Variants in ZNF518A observed in about 807,000 individuals in gnomAD.
ZNF518A encodes zinc finger protein 518.
ZNF518A carries 47 observed loss-of-function variants against 102.7 expected under a neutral mutation model. The ratio of observed to expected loss-of-function variants is 0.46; its 90% CI spans 0.36 to 0.58. The LOEUF (loss-of-function observed/expected upper bound fraction) is 0.58. Ranked by LOEUF, ZNF518A falls within the 20% of genes least tolerant of loss-of-function variation. ZNF518A has a pLI of 0.00. For synonymous variants in ZNF518A, 652 were observed against 594.6 expected (o/e 1.10, Z -1.40); for missense variants, 1,793 against 1,699.8 (o/e 1.05, Z -0.96).
intron 1 of ZNF518A, among the ~76,000 whole-genome samples, chr10:96,182,535 G>A (rs1167763231): frequency 1.3e-5 from 2 of 152,144 alleles, no homozygotes; most frequent in South Asian, 2.1e-4. Flanking sequence ...AGAGTTTTTA[G>A]CATGAAGGCT....
intron 3 of ZNF518A, among the ~76,000 whole-genome samples, chr10:96,150,650 T>C (rs2082394336): frequency 6.6e-6 from 1 of 151,022 alleles, no homozygotes; most frequent in African/African-American, 2.4e-5. Context: ...GCTCTTTTTT[T>C]CAATATGCTA....
At chr10:96,141,313 A>G (rs1446383000) in intron 3 of ZNF518A, among the ~76,000 whole-genome samples, 9 of 152,148 alleles carry the variant, frequency 5.9e-5, no homozygotes, top group Non-Finnish European at 8.8e-5. Context: ...ACTCAGAGAA[A>G]GGAGAGATTT....
chr10:96,144,718 T>C (rs1254075982), intron 3 of ZNF518A, among the ~76,000 whole-genome samples: 2 of 152,306 alleles, frequency 1.3e-5, no homozygotes, highest in South Asian at 4.1e-4. Context: ...AGTAGTTTGG[T>C]TAGTGAACTA....
chr10:96,191,337 T>C (rs1309999209), intron 1 of ZNF518A, among the ~76,000 whole-genome samples: 2 of 151,808 alleles, frequency 1.3e-5, no homozygotes, highest in Non-Finnish European at 2.9e-5. Flanking sequence ...GTTTAGGTTC[T>C]ATTTGATAGA....
intron 1 of ZNF518A, among the ~76,000 whole-genome samples, chr10:96,172,936 A>G (rs2083181970): frequency 1.3e-5 from 2 of 152,154 alleles, no homozygotes; most frequent in Non-Finnish European, 2.9e-5. Flanking sequence ...TGCGTTCTAC[A>G]TCTGCAGATT....
intron 3 of ZNF518A, among the ~76,000 whole-genome samples, chr10:96,146,064 G>A (rs2082157823): frequency 6.6e-6 from 1 of 151,834 alleles, no homozygotes; most frequent in Non-Finnish European, 1.5e-5. Flanking sequence ...CCATCTATCA[G>A]TATTTGAACA....
rs782316301 is a variant in ZNF518A, at chr10:96,156,985, A to G, written c.663A>G (p.Thr221=). ...AGTTCTCCACCCAGGATGTTGGCAC[A>G]TTTGTTCAGCACATTCATAGACATA... ...KCKFSTQDVG[T]FVQHIHRHNE... is the part of the protein sequence containing the mutation. Residue 221 remains threonine (T), a synonymous_variant, in exon 6 of 6, where the codon ACA becomes ACG. Coordinates refer to ENST00000316045, the MANE Select transcript of ZNF518A (RefSeq NM_001330736.2). The G allele has an allele frequency of 3.1e-6, 5 of 1,613,912 alleles. No individual in the cohort carries two copies. Among genetic ancestry groups the G allele is most frequent in the East Asian group, 4.5e-5 (2 of 44,866 alleles).
intron 3 of ZNF518A, among the ~76,000 whole-genome samples, chr10:96,136,720 C>T (rs587603303): frequency 6.6e-6 from 1 of 152,112 alleles, no homozygotes; most frequent in South Asian, 2.1e-4. Flanking sequence ...GCTCATAGAA[C>T]GTTCATTTTG....
intron 1 of ZNF518A, among the ~76,000 whole-genome samples, chr10:96,184,460 T>G (rs2083258999): frequency 6.6e-6 from 1 of 152,246 alleles, no homozygotes; most frequent in African/African-American, 2.4e-5. Flanking sequence ...TTTCCATGTT[T>G]AGTGCTTCCT....
Position 96,160,836 on chromosome 10 carries a change from G to A in ZNF518A, c.*62G>A, listed in dbSNP as rs2133845161. ...ACCTTAGAAGAAAACAACGGGTTCA[G>A]TTACCATAATGCAGACATTTTCTAC... On this transcript the variant is annotated 3_prime_UTR_variant, in exon 6 of 6. Coordinates refer to ENST00000316045, the MANE Select transcript of ZNF518A (RefSeq NM_001330736.2). 1 of 1,437,908 alleles carries A rather than the reference G, an allele frequency of 7.0e-7. No homozygotes were observed. Among genetic ancestry groups the A allele is most frequent in the Non-Finnish European group, 9.2e-7 (1 of 1,091,404 alleles). The allele number at this position is 1,437,908 out of a possible 1,614,324, so 89.1% of individuals were successfully genotyped here. A position where few individuals can be genotyped will look rare whatever the true frequency, so the allele number is the denominator to read the frequency against.
rs1305467582 is a variant in ZNF518A at position 96,158,177 on chromosome 10, TGCATTAATTATG to T, written c.1859_1870del (p.Ile620_Gly623del). ...CAACAGTGGAGATATGCATAATTATTGCATTAATTATGGCAACTGTGAGTTACCTGTTGAATC... is the reference window on the plus strand; with the variant it reads ...CAACAGTGGAGATATGCATAATTATTGCAACTGTGAGTTACCTGTTGAATC... On this transcript the variant is annotated inframe_deletion, in exon 6 of 6. Coordinates refer to ENST00000316045, the MANE Select transcript of ZNF518A (RefSeq NM_001330736.2). The T allele has an allele frequency of 1.2e-5, 20 of 1,613,622 alleles. No homozygotes were observed. Among genetic ancestry groups the T allele is most frequent in the Non-Finnish European group, 1.6e-5 (19 of 1,179,734 alleles).
chr10:96,190,317 T>A, intron 1 of ZNF518A: 1 of 596,914 alleles, frequency 1.7e-6, no homozygotes, highest in East Asian at 3.1e-5. Flanking sequence ...ACGCCAGTAG[T>A]ATTGTTCCTG....
intron 3 of ZNF518A, among the ~76,000 whole-genome samples, chr10:96,152,390 T>G (rs1162315212): frequency 4.6e-5 from 7 of 152,196 alleles, no homozygotes; most frequent in Non-Finnish European, 1.0e-4. Context: ...GCTCATAGGT[T>G]GGAGGATTAC....
intron 1 of ZNF518A, among the ~76,000 whole-genome samples, chr10:96,196,622 T>C (rs1360911934): frequency 1.3e-5 from 2 of 152,214 alleles, no homozygotes; most frequent in Non-Finnish European, 2.9e-5. Flanking sequence ...CATTTCAACC[T>C]TGATTTATAT....
intron 1 of ZNF518A, among the ~76,000 whole-genome samples, chr10:96,190,440 A>G (rs1339487245): frequency 2.0e-5 from 3 of 152,188 alleles, no homozygotes; most frequent in East Asian, 3.8e-4. Flanking sequence ...TACCTTGACT[A>G]TATCTGTAAA....
chr10:96,171,288 A>G (rs1017761159), intron 1 of ZNF518A, among the ~76,000 whole-genome samples: 8 of 152,222 alleles, frequency 5.3e-5, no homozygotes, highest in African/African-American at 1.9e-4. Context: ...AAACAACCCA[A>G]AGTCCATCAA....
At position 96,156,446 on chromosome 10, in the gene ZNF518A, C is replaced by T; in HGVS notation, c.124C>T (p.His42Tyr). 6.2e-7 allele frequency: 1 copy of T among 1,613,098 alleles called. No homozygotes were observed. The highest frequency in any genetic ancestry group is 8.5e-7 in the Non-Finnish European group (1 of 1,179,578). ...TAAACCAAAAATTTCAGGAAGTATT[C>T]ATTATGCACTAAAAAATGTGAAAAT... is the stretch of plus-strand genomic sequence containing the variant. The part of the protein sequence containing the change: ...APKPKISGSI[H>Y]YALKNVKIDL... The change falls in exon 6 of 6, where the codon CAT becomes TAT. Residue 42 changes from histidine (H) to tyrosine (Y), a missense_variant. Around this residue, in one of 3 missense-constraint regions of ZNF518A, gnomAD observed 1,741 missense variants for 1,622.6 expected, o/e 1.07. Coordinates refer to ENST00000316045, the MANE Select transcript of ZNF518A (RefSeq NM_001330736.2).
chr10:96,192,330 A>T (rs1554893656), intron 1 of ZNF518A, among the ~76,000 whole-genome samples: 1 of 152,222 alleles, frequency 6.6e-6, no homozygotes, highest in East Asian at 1.9e-4. Context: ...AGCTACTTAG[A>T]GAGATTACTT....
At chr10:96,152,331 G>T (rs2082488404) in intron 3 of ZNF518A, among the ~76,000 whole-genome samples, 1 of 152,128 alleles carries the variant, frequency 6.6e-6, no homozygotes, top group Admixed American at 6.6e-5. Flanking sequence ...AGTAAAACCA[G>T]CAATCTTTGT....
Sources: gnomAD v4.1 joint callset for allele counts (sites outside exome capture counted in the v4.1 genomes callset) on GRCh38, gnomAD v4.1.1 for gene constraint, gnomAD v4.1.1 regional missense constraint, MANE v1.5 for transcripts, NCBI Gene and HGNC (gene_info 2026-07-23, HGNC 2026-07-21) for gene names.